NRXN3: variants seen among roughly 807,000 people sequenced by gnomAD.
NRXN3 encodes neurexin 3, also known as neurexin III.
A neutral mutation model predicts 137.6 loss-of-function variants in NRXN3; 32 were observed. The ratio of observed to expected loss-of-function variants is 0.23; its 90% confidence interval spans 0.18 to 0.31. The LOEUF (loss-of-function observed/expected upper bound fraction) is 0.31, where lower values mean the gene tolerates loss of function less well. Among genes scored for constraint, NRXN3 ranks in the 10% least tolerant of loss-of-function variants. The probability of loss-of-function intolerance (pLI) is 1.00; values close to 1 mark genes in which losing one functional copy is unlikely to be tolerated. For synonymous variants in NRXN3, 798 were observed against 784.5 expected (o/e 1.02, Z -0.29); for missense variants, 1,574 against 2,062.5 (o/e 0.76, Z 4.59).
At chr14:79,495,202 G>C (rs1287015149) in intron 16 of NRXN3, among the ~76,000 whole-genome samples, 1 of 152,198 alleles carries the variant, frequency 6.6e-6, no homozygotes, top group Non-Finnish European at 1.5e-5. Context: ...CCTTGTCATT[G>C]ATTCTGCTTT....
chr14:78,574,463 C>G (rs2152328347), intron 4 of NRXN3, among the ~76,000 whole-genome samples: 1 of 152,358 alleles, frequency 6.6e-6, no homozygotes, highest in South Asian at 2.1e-4. Context: ...GGTGGAGCTG[C>G]CCAAGGCTAT....
chr14:79,280,780 C>T, intron 15 of NRXN3: 1 of 508,282 alleles, frequency 2.0e-6, no homozygotes, highest in Non-Finnish European at 3.6e-6. Flanking sequence ...CCTTAGCTCC[C>T]TCATTCATAG....
intron 18 of NRXN3, among the ~76,000 whole-genome samples, chr14:79,692,703 C>G (rs2098721006): frequency 6.6e-6 from 1 of 151,764 alleles, no homozygotes; most frequent in African/African-American, 2.4e-5. Context: ...AACAAAAAAA[C>G]AAACAAACAA....
intron 14 of NRXN3, among the ~76,000 whole-genome samples, chr14:78,984,356 A>G (rs1258796106): frequency 6.6e-6 from 1 of 152,208 alleles, no homozygotes; most frequent in Non-Finnish European, 1.5e-5. Context: ...TTATCTTTCA[A>G]TTTAAAAGAA....
At chr14:78,412,579 T>G (rs2092896607) in intron 4 of NRXN3, among the ~76,000 whole-genome samples, 1 of 152,182 alleles carries the variant, frequency 6.6e-6, no homozygotes, top group Admixed American at 6.5e-5. Flanking sequence ...TAATCTCATA[T>G]TTAGATGGGG....
chr14:78,947,425 A>G (rs1282137120), intron 10 of NRXN3, among the ~76,000 whole-genome samples: 1 of 152,174 alleles, frequency 6.6e-6, no homozygotes, highest in African/African-American at 2.4e-5. Context: ...CTGTATCTTC[A>G]TATCTATACA....
intron 20 of NRXN3, chr14:79,823,762 C>T (rs752466675): frequency 1.6e-5 from 4 of 247,594 alleles, no homozygotes; most frequent in Non-Finnish European, 3.6e-5. Context: ...ATAGTGAATC[C>T]TTTTTCCTGG....
chr14:78,666,844 G>A (rs112115961), intron 6 of NRXN3, among the ~76,000 whole-genome samples: 2 of 152,118 alleles, frequency 1.3e-5, no homozygotes, highest in African/African-American at 2.4e-5. Context: ...CCAGTGCCCA[G>A]CAAAGCATGT....
At chr14:78,960,091 G>A in intron 11 of NRXN3, among the ~76,000 whole-genome samples, 1 of 152,106 alleles carries the variant, frequency 6.6e-6, no homozygotes, top group Non-Finnish European at 1.5e-5. Context: ...AAAAAGCAGG[G>A]CCAAGTCACG....
At chr14:78,857,826 G>T (rs1050187725) in intron 10 of NRXN3, among the ~76,000 whole-genome samples, 4 of 152,092 alleles carry the variant, frequency 2.6e-5, no homozygotes, top group African/African-American at 9.7e-5. Context: ...AACAATCAAA[G>T]AAATATCAAT....
chr14:78,843,473 A>C (rs1224574764), intron 10 of NRXN3, among the ~76,000 whole-genome samples: 2 of 152,148 alleles, frequency 1.3e-5, no homozygotes, highest in African/African-American at 4.8e-5. Context: ...TATTGAGAAA[A>C]AGAAAAATAA....
intron 15 of NRXN3, among the ~76,000 whole-genome samples, chr14:79,149,814 C>T (rs111617299): frequency 9.2e-4 from 140 of 152,124 alleles, no homozygotes; most frequent in African/African-American, 3.1e-3. Flanking sequence ...AATGAGAACA[C>T]ATGGGCACAG....
intron 15 of NRXN3, among the ~76,000 whole-genome samples, chr14:79,367,835 G>C (rs2167150): frequency 0.38 from 58,189 of 151,932 alleles, 12,426 homozygotes; most frequent in Admixed American, 0.5. Context: ...TTTAAACTGT[G>C]CTGTGGGAAG....
chr14:79,060,543 T>C (rs529189830), intron 15 of NRXN3, among the ~76,000 whole-genome samples: 1 of 150,774 alleles, frequency 6.6e-6, no homozygotes, highest in African/African-American at 2.4e-5. Context: ...AATACTCTAG[T>C]TTTTTTTTAG....
At chr14:79,075,677 A>C (rs1595681636) in intron 15 of NRXN3, among the ~76,000 whole-genome samples, 1 of 152,124 alleles carries the variant, frequency 6.6e-6, no homozygotes, top group Non-Finnish European at 1.5e-5. Flanking sequence ...CAATGCTCAA[A>C]CATAAGTTGA....
Position 79,861,790 on chromosome 14 carries a change from G to C in NRXN3, c.4542G>C (p.Leu1514=). ...CCGCCCTCTGCATCTTGATCCTCCT[G>C]TACGCCATGTACAAGTACAGGAACA... ...AAAALCILIL[L]YAMYKYRNRD... Residue 1514 remains leucine, a synonymous_variant, in exon 21 of 21, where the codon CTG becomes CTC. Coordinates refer to ENST00000335750, the MANE Select transcript of NRXN3 (RefSeq NM_001330195.2). The surrounding 1 kb of genome is among the most constrained non-coding windows in gnomAD (Gnocchi z 5.4). 1.2e-6 allele frequency: 2 copies of C among 1,614,058 alleles called. No individual in the cohort carries two copies. The highest frequency in any genetic ancestry group is 1.3e-5 in the African/African-American group (1 of 75,006).
rs74063947 is a variant in NRXN3, at chr14:78,175,683, C to T, written c.-704+5009C>T. 5.7e-3 allele frequency among the ~76,000 whole-genome samples: 867 copies of T among 152,096 alleles called. 5 individuals carry two copies. The highest frequency in any genetic ancestry group is 0.02 in the African/African-American group (839 of 41,480). On this transcript the variant is annotated intron_variant, in intron 1 of 20. Coordinates refer to ENST00000335750, the MANE Select transcript of NRXN3 (RefSeq NM_001330195.2). ...CAGCCACAGGTGGCCATGCTGGGCT[C>T]GGGGCAGGTTGGCCATGCTGAGCTC... is the stretch of plus-strand genomic sequence containing the variant.
At chr14:79,608,938 A>G (rs187731783) in intron 16 of NRXN3, among the ~76,000 whole-genome samples, 1 of 152,168 alleles carries the variant, frequency 6.6e-6, no homozygotes, top group Admixed American at 6.5e-5. Flanking sequence ...AAAACGTTCT[A>G]TATAATTCAG....
intron 6 of NRXN3, among the ~76,000 whole-genome samples, chr14:78,665,297 G>A (rs1021874849): frequency 1.3e-5 from 2 of 152,092 alleles, no homozygotes; most frequent in Admixed American, 1.3e-4. Flanking sequence ...TGGCTGAGGA[G>A]GCCTCAGGAA....
Sources: gnomAD v4.1 joint callset for allele counts (sites outside exome capture counted in the v4.1 genomes callset) on GRCh38, gnomAD v4.1.1 for gene constraint, Gnocchi (gnomAD v3.1) non-coding constraint, MANE v1.5 for transcripts, NCBI Gene and HGNC (gene_info 2026-07-23, HGNC 2026-07-21) for gene names.